Variants in DUSP13B observed in about 807,000 individuals in gnomAD.
The protein encoded by DUSP13B is dual specificity phosphatase 13B, also known as dual specificity protein phosphatase 13B.
chr10:75,107,777 G>C, the DUSP13B span, among the ~76,000 whole-genome samples: 4 of 152,236 alleles, frequency 2.6e-5, no homozygotes, highest in African/African-American at 7.2e-5. Context: ...AGGTTTCACC[G>C]TGTTGGCCAG....
At chr10:75,106,326 G>A in the DUSP13B span, among the ~76,000 whole-genome samples, 1 of 151,646 alleles carries the variant, frequency 6.6e-6, no homozygotes, top group Non-Finnish European at 1.5e-5. Context: ...CGAGAAACAT[G>A]GAGGAACTTG....
chr10:75,106,022 C>A, the DUSP13B span, among the ~76,000 whole-genome samples: 13 of 151,834 alleles, frequency 8.6e-5, no homozygotes, highest in Admixed American at 6.6e-5. Flanking sequence ...GTTTCCTGAT[C>A]GGTAAAATGG....
chr10:75,104,365 A>T, the DUSP13B span, among the ~76,000 whole-genome samples: 1 of 152,192 alleles, frequency 6.6e-6, no homozygotes, highest in Non-Finnish European at 1.5e-5. Flanking sequence ...CACAGGCTGC[A>T]CACTGCATAA....
the DUSP13B span, among the ~76,000 whole-genome samples, chr10:75,098,396 G>A: frequency 1.1e-4 from 16 of 152,302 alleles, no homozygotes; most frequent in South Asian, 3.3e-3. Flanking sequence ...CCTATCTCCA[G>A]GTAAGAGGCC....
At chr10:75,099,689 T>G in the DUSP13B span, 1 of 483,342 alleles carries the variant, frequency 2.1e-6, no homozygotes, top group Non-Finnish European at 3.1e-6. Context: ...AGACCGTTGG[T>G]TCCATAAACC....
At chr10:75,107,192 G>A in the DUSP13B span, among the ~76,000 whole-genome samples, 2 of 152,148 alleles carry the variant, frequency 1.3e-5, no homozygotes, top group African/African-American at 2.4e-5. Context: ...AAAATTAGCC[G>A]GGTATGGTGG....
At chr10:75,095,527 C>T in the DUSP13B span, 2 of 1,550,290 alleles carry the variant, frequency 1.3e-6, no homozygotes, top group South Asian at 2.2e-5. Context: ...AATGGAGAGT[C>T]CTAAAGCACA....
chr10:75,106,547 C>T, the DUSP13B span, among the ~76,000 whole-genome samples: 1 of 152,162 alleles, frequency 6.6e-6, no homozygotes, highest in Non-Finnish European at 1.5e-5. Flanking sequence ...TGCATATTAC[C>T]CATGGATACC....
the DUSP13B span, chr10:75,095,914 C>T: frequency 1.1e-6 from 1 of 942,390 alleles, no homozygotes; most frequent in African/African-American, 1.6e-5. Context: ...GAGACAAGAG[C>T]CTGCAAATTG....
At chr10:75,106,700 C>T in the DUSP13B span, among the ~76,000 whole-genome samples, 5 of 152,256 alleles carry the variant, frequency 3.3e-5, no homozygotes, top group Non-Finnish European at 7.3e-5. Context: ...TCCACCAGTT[C>T]CAAGAGGGCA....
At chr10:75,103,354 C>T in the DUSP13B span, among the ~76,000 whole-genome samples, 2 of 152,324 alleles carry the variant, frequency 1.3e-5, no homozygotes, top group South Asian at 4.1e-4. Context: ...CACACAGACA[C>T]AGGTGTAGAG....
At chr10:75,097,498 C>T in the DUSP13B span, among the ~76,000 whole-genome samples, 1 of 152,248 alleles carries the variant, frequency 6.6e-6, no homozygotes, top group African/African-American at 2.4e-5. Context: ...GCGTGAGCCA[C>T]CGCACCCGGC....
chr10:75,104,100 G>C, the DUSP13B span: 1 of 1,343,210 alleles, frequency 7.4e-7, no homozygotes, highest in African/African-American at 1.5e-5. Flanking sequence ...GACCAGCTCT[G>C]GAAGAGAGAT....
chr10:75,106,064 G>C, the DUSP13B span, among the ~76,000 whole-genome samples: 36 of 151,714 alleles, frequency 2.4e-4, no homozygotes, highest in Non-Finnish European at 4.4e-5. Context: ...CTACCCTTGG[G>C]ATAGGGTCCG....
the DUSP13B span, chr10:75,107,951 A>G: frequency 6.4e-7 from 1 of 1,570,294 alleles, no homozygotes; most frequent in Non-Finnish European, 8.6e-7. Flanking sequence ...CCTCCCCATG[A>G]ATGAGCAAGA....
chr10:75,094,905 G>A, the DUSP13B span: 2 of 1,608,268 alleles, frequency 1.2e-6, no homozygotes, highest in Admixed American at 3.4e-5. Context: ...CTTAGCATCA[G>A]CTACCTGCCC....
chr10:75,103,273 G>T, the DUSP13B span, among the ~76,000 whole-genome samples: 3 of 152,232 alleles, frequency 2.0e-5, no homozygotes, highest in Non-Finnish European at 2.9e-5. Context: ...TCAGTTAGGG[G>T]CCAAGGCCGA....
chr10:75,098,936 T>C, the DUSP13B span: 4 of 1,220,588 alleles, frequency 3.3e-6, no homozygotes, highest in African/African-American at 1.6e-5. Context: ...CTTTGGGGCC[T>C]CCAGAGAGTG....
the DUSP13B span, chr10:75,108,316 A>G: frequency 6.8e-7 from 1 of 1,478,244 alleles, no homozygotes; most frequent in Non-Finnish European, 8.9e-7. Flanking sequence ...GGGTCCAAAG[A>G]GAGTCCAACC....
Sources: gnomAD v4.1 joint callset for allele counts (sites outside exome capture counted in the v4.1 genomes callset) on GRCh38, gnomAD v4.1.1 for gene constraint, MANE v1.5 for transcripts, NCBI Gene and HGNC (gene_info 2026-07-23, HGNC 2026-07-21) for gene names.